ZSWIM6: variants seen among roughly 807,000 people sequenced by gnomAD.
ZSWIM6 encodes the protein zinc finger SWIM-type containing 6.
A neutral mutation model predicts 113.2 loss-of-function variants in ZSWIM6; 9 were observed. The observed-to-expected ratio is 0.08, with a 90% CI of 0.05 to 0.14. The LOEUF (loss-of-function observed/expected upper bound fraction) is 0.14. ZSWIM6 is among the 10% of genes least tolerant of loss of function. The pLI, the probability that ZSWIM6 is intolerant of heterozygous loss-of-function variation, is 1.00. For synonymous variants in ZSWIM6, 611 were observed against 606.5 expected (o/e 1.01, Z -0.11); for missense variants, 1,162 against 1,552.2 (o/e 0.75, Z 4.22).
intron 1 of ZSWIM6, among the ~76,000 whole-genome samples, chr5:61,432,180 A>G (rs538595125): frequency 1.3e-5 from 2 of 152,318 alleles, no homozygotes; most frequent in Admixed American, 1.3e-4. Flanking sequence ...TTTCAAAACA[A>G]TTTTGCTTCC....
intron 1 of ZSWIM6, among the ~76,000 whole-genome samples, chr5:61,420,994 A>C (rs898035545): frequency 1.3e-5 from 2 of 151,234 alleles, no homozygotes; most frequent in Admixed American, 6.6e-5. Context: ...GTCTTGGATC[A>C]CTGCAACCTC....
At chr5:61,515,967 G>A (rs1393708690) in intron 4 of ZSWIM6, among the ~76,000 whole-genome samples, 1 of 151,886 alleles carries the variant, frequency 6.6e-6, no homozygotes, top group East Asian at 1.9e-4. Flanking sequence ...ATCTGATACT[G>A]ATATAGTCAT....
rs184509527 is a variant in ZSWIM6, at chr5:61,524,583, T to G, written c.1514-1217T>G. On this transcript the variant is annotated intron_variant, in intron 5 of 13. Coordinates refer to ENST00000252744, the MANE Select transcript of ZSWIM6 (RefSeq NM_020928.2). ...TGGCAAGTCACTTTACTTCCCTTGC[T>G]TTTCAGTTCCATCAGCAGAGTAAAG... Among the ~76,000 whole-genome samples, 245 of 152,342 alleles carry G rather than the reference T, an allele frequency of 1.6e-3. 1 individual carries two copies. The highest frequency in any genetic ancestry group is 5.6e-3 in the African/African-American group (232 of 41,586).
At chr5:61,405,693 A>G (rs1338344808) in intron 1 of ZSWIM6, among the ~76,000 whole-genome samples, 2 of 152,228 alleles carry the variant, frequency 1.3e-5, no homozygotes, top group East Asian at 1.9e-4. Context: ...TCTGTAAAAC[A>G]CAAGAGTAGA....
chr5:61,355,491 CACACACTA>C (rs1744883945), intron 1 of ZSWIM6, among the ~76,000 whole-genome samples: 1 of 117,486 alleles, frequency 8.5e-6, no homozygotes, highest in East Asian at 2.8e-4. Context: ...CACACACACA[CACACACTA>C]TTAGATGGCA....
At position 61,391,449 on chromosome 5, in the gene ZSWIM6, A is replaced by G. The variant is rs978992939; in HGVS notation, c.676+58501A>G. On this transcript the variant is annotated intron_variant, in intron 1 of 13. Transcript: ENST00000252744. ...AGTCCTTCTCCAGCTGCTTCTTGCCATCCTCATCCTGACATTTCTTGCAGT... is the reference window on the plus strand; with the variant it reads ...AGTCCTTCTCCAGCTGCTTCTTGCCGTCCTCATCCTGACATTTCTTGCAGT... 7 of 1,293,716 alleles carry G rather than the reference A, an allele frequency of 5.4e-6. No individual in the cohort carries two copies. The African/African-American group carries it at 5.8e-5, about 11-fold the overall frequency. 80.1% of individuals were successfully genotyped at this position (1,293,716 alleles called of 1,614,324 possible). A position where few individuals can be genotyped will look rare whatever the true frequency, so the allele number is the denominator to read the frequency against.
chr5:61,345,902 T>G (rs1245845145), intron 1 of ZSWIM6, among the ~76,000 whole-genome samples: 1 of 152,198 alleles, frequency 6.6e-6, no homozygotes, highest in Non-Finnish European at 1.5e-5. Context: ...AATTGCTTGG[T>G]CTAGTATACA....
At chr5:61,516,235 T>G (rs1748936570) in intron 4 of ZSWIM6, among the ~76,000 whole-genome samples, 2 of 151,014 alleles carry the variant, frequency 1.3e-5, no homozygotes, top group Non-Finnish European at 3.0e-5. Flanking sequence ...CTGTTTCCAT[T>G]CATCTCTTCC....
intron 3 of ZSWIM6, 51 bp downstream of exon 3, chr5:61,490,985 G>A: frequency 7.0e-7 from 1 of 1,419,136 alleles, no homozygotes; most frequent in Non-Finnish European, 9.4e-7. Context: ...CATATATAGG[G>A]ACTATCTGAA....
intron 1 of ZSWIM6, among the ~76,000 whole-genome samples, chr5:61,363,503 A>G (rs572012572): frequency 6.6e-6 from 1 of 152,308 alleles, no homozygotes; most frequent in South Asian, 2.1e-4. Flanking sequence ...TCTGATCCCA[A>G]AGTGTTCTCA....
At chr5:61,401,044 T>G (rs1050043624) in intron 1 of ZSWIM6, among the ~76,000 whole-genome samples, 1 of 152,224 alleles carries the variant, frequency 6.6e-6, no homozygotes, top group African/African-American at 2.4e-5. Context: ...TGTATTTGTT[T>G]TTATGTTTAT....
chr5:61,338,282 CTA>C (rs1247963395), intron 1 of ZSWIM6, among the ~76,000 whole-genome samples: 4 of 151,840 alleles, frequency 2.6e-5, no homozygotes, highest in East Asian at 1.9e-4. Context: ...TCTTTACAGA[CTA>C]GAGATCACTA....
At chr5:61,372,280 G>T (rs1579959110) in intron 1 of ZSWIM6, among the ~76,000 whole-genome samples, 1 of 149,774 alleles carries the variant, frequency 6.7e-6, no homozygotes, top group Non-Finnish European at 1.5e-5. Context: ...CTTACCCTCT[G>T]CCCTATTTTT....
intron 1 of ZSWIM6, among the ~76,000 whole-genome samples, chr5:61,363,157 G>T (rs1461110469): frequency 6.6e-6 from 1 of 152,170 alleles, no homozygotes; most frequent in Non-Finnish European, 1.5e-5. Flanking sequence ...CCCACAGGGG[G>T]CACTGCCTGC....
chr5:61,402,195 A>G (rs1482086177), intron 1 of ZSWIM6, among the ~76,000 whole-genome samples: 3 of 152,214 alleles, frequency 2.0e-5, no homozygotes, highest in South Asian at 4.1e-4. Context: ...AGTGTAAAGT[A>G]TCAAGCAGCA....
chr5:61,411,892 G>A (rs1746154327), intron 1 of ZSWIM6, among the ~76,000 whole-genome samples: 3 of 152,110 alleles, frequency 2.0e-5, no homozygotes, highest in Non-Finnish European at 1.5e-5. Flanking sequence ...TTGGGGTTGG[G>A]GATAAGTATG....
At chr5:61,466,448 T>A (rs1052957839) in intron 1 of ZSWIM6, among the ~76,000 whole-genome samples, 4 of 152,182 alleles carry the variant, frequency 2.6e-5, no homozygotes, top group Non-Finnish European at 4.4e-5. Flanking sequence ...TTAATTTCCC[T>A]GGGGGTTCTT....
intron 1 of ZSWIM6, among the ~76,000 whole-genome samples, chr5:61,386,188 G>A (rs1745588728): frequency 6.6e-6 from 1 of 152,178 alleles, no homozygotes; most frequent in African/African-American, 2.4e-5. Flanking sequence ...TACATTTAGA[G>A]TACTACATCA....
At chr5:61,496,341 TA>T (rs1748314151) in intron 4 of ZSWIM6, among the ~76,000 whole-genome samples, 1 of 152,182 alleles carries the variant, frequency 6.6e-6, no homozygotes, top group Non-Finnish European at 1.5e-5. Context: ...TAATGGGGTC[TA>T]AGTTCTGTGA....
Sources: gnomAD v4.1 joint callset for allele counts (sites outside exome capture counted in the v4.1 genomes callset) on GRCh38, gnomAD v4.1.1 for gene constraint, MANE v1.5 for transcripts, NCBI Gene and HGNC (gene_info 2026-07-23, HGNC 2026-07-21) for gene names.